ADAM22: variants seen among roughly 807,000 people sequenced by gnomAD.
ADAM22 encodes the protein ADAM metallopeptidase domain 22.
A neutral mutation model predicts 144.6 loss-of-function variants in ADAM22; 65 were observed. That is an observed-to-expected ratio of 0.45 (90% CI 0.37 to 0.55). The LOEUF is 0.55. Ranked by LOEUF, ADAM22 falls within the 20% of genes least tolerant of loss-of-function variation. The pLI is 0.00. For missense variants in ADAM22, 974 were observed against 1,184.9 expected (o/e 0.82, Z 2.61); for synonymous variants, 391 against 412.6 (o/e 0.95, Z 0.63).
chr7:87,954,355 C>A (rs988419599), intron 2 of ADAM22, among the ~76,000 whole-genome samples: 1 of 152,056 alleles, frequency 6.6e-6, no homozygotes, highest in East Asian at 1.9e-4. Flanking sequence ...CAAAATCTCT[C>A]AGCATTTGCT....
intron 2 of ADAM22, among the ~76,000 whole-genome samples, chr7:87,940,427 G>A (rs964526176): frequency 2.0e-5 from 3 of 152,098 alleles, no homozygotes; most frequent in Admixed American, 6.5e-5. Context: ...TACTCTTAAT[G>A]TGTCCTTGTT....
intron 4 of ADAM22, among the ~76,000 whole-genome samples, chr7:88,101,483 G>A (rs1034758278): frequency 1.2e-4 from 19 of 152,134 alleles, no homozygotes; most frequent in African/African-American, 3.4e-4. Flanking sequence ...CATAGATGTA[G>A]CACTGAAATA....
chr7:88,077,263 T>G (rs952045336), intron 4 of ADAM22, among the ~76,000 whole-genome samples: 1 of 152,198 alleles, frequency 6.6e-6, no homozygotes, highest in Non-Finnish European at 1.5e-5. Flanking sequence ...TGAAGATAAT[T>G]GAGTTTTTCC....
intron 4 of ADAM22, among the ~76,000 whole-genome samples, chr7:88,080,617 G>A (rs1312705697): frequency 1.3e-5 from 2 of 151,742 alleles, no homozygotes; most frequent in Non-Finnish European, 2.9e-5. Flanking sequence ...TAATAAAGAA[G>A]AAAAGAGAGA....
intron 3 of ADAM22, among the ~76,000 whole-genome samples, chr7:88,057,839 G>A (rs1001263668): frequency 2.6e-5 from 4 of 152,156 alleles, no homozygotes; most frequent in African/African-American, 7.2e-5. Context: ...CTTACTGCTG[G>A]AGTCTTGAGA....
At chr7:87,944,038 G>A (rs891970024) in intron 2 of ADAM22, among the ~76,000 whole-genome samples, 3 of 152,106 alleles carry the variant, frequency 2.0e-5, no homozygotes, top group African/African-American at 4.8e-5. Flanking sequence ...TCTAGCTGAG[G>A]CAGAACTCCT....
chr7:87,937,339 A>G (rs1841483398), intron 2 of ADAM22, among the ~76,000 whole-genome samples: 1 of 152,020 alleles, frequency 6.6e-6, no homozygotes, highest in Non-Finnish European at 1.5e-5. Context: ...CAATTTTTTC[A>G]GTGAAGACAT....
intron 3 of ADAM22, among the ~76,000 whole-genome samples, chr7:87,991,102 T>A (rs1789729236): frequency 6.6e-6 from 1 of 152,200 alleles, no homozygotes; most frequent in African/African-American, 2.4e-5. Context: ...CCCTTTTGAT[T>A]TCTGTGTTTT....
At chr7:88,195,844 G>A (rs978170312) in intron 31 of ADAM22, among the ~76,000 whole-genome samples, 8 of 152,158 alleles carry the variant, frequency 5.3e-5, no homozygotes. Flanking sequence ...AGGAGGTAGT[G>A]ATAGAAGTGG....
At chr7:88,186,322 G>T in intron 29 of ADAM22, 1 of 365,954 alleles carries the variant, frequency 2.7e-6, no homozygotes, top group South Asian at 3.1e-5. Context: ...TGGGACTGCT[G>T]ACTGTACTGT....
In ADAM22 at chr7:88,135,963, T is replaced by C; in HGVS notation, c.1169-17T>C. 6.2e-7 allele frequency: 1 copy of C among 1,605,336 alleles called. No homozygotes were observed. The highest frequency in any genetic ancestry group is 1.1e-5 in the South Asian group (1 of 88,948). On this transcript the variant is annotated splice_polypyrimidine_tract_variant and intron_variant, in intron 13 of 31. Transcript: ENST00000413139. ...TGTTCACTTTATAACAAGGCATGTGTATTAATTTTCTCTTAGGTGAATGTA... is the reference window on the plus strand; with the variant it reads ...TGTTCACTTTATAACAAGGCATGTGCATTAATTTTCTCTTAGGTGAATGTA...
intron 2 of ADAM22, among the ~76,000 whole-genome samples, chr7:87,956,499 C>T (rs915426337): frequency 6.6e-6 from 1 of 152,118 alleles, no homozygotes; most frequent in Non-Finnish European, 1.5e-5. Flanking sequence ...AAATGGTATA[C>T]GATTGAGTTT....
intron 26 of ADAM22, 35 bp downstream of exon 26, chr7:88,171,596 A>G: frequency 6.4e-7 from 1 of 1,550,810 alleles, no homozygotes; most frequent in African/African-American, 1.4e-5. Context: ...ATAAAACTGA[A>G]AGGTTTGACT....
At chr7:87,964,056 A>T (rs1038068192) in intron 2 of ADAM22, among the ~76,000 whole-genome samples, 1 of 152,204 alleles carries the variant, frequency 6.6e-6, no homozygotes, top group Non-Finnish European at 1.5e-5. Flanking sequence ...ACTTTACATC[A>T]CTAGACACTG....
In ADAM22 at chr7:88,073,361, C is replaced by T. The variant is rs552141097; in HGVS notation, c.324-2265C>T. 3.9e-3 allele frequency among the ~76,000 whole-genome samples: 586 copies of T among 151,990 alleles called. 3 individuals are homozygous for T. The highest frequency in any genetic ancestry group is 5.7e-3 in the Non-Finnish European group (386 of 67,988). ...CATCATATCAGGGTCATGAGAGGAGCCAGTTAAGAGAGCCCCGGCTACCAT... is the reference window on the plus strand; with the variant it reads ...CATCATATCAGGGTCATGAGAGGAGTCAGTTAAGAGAGCCCCGGCTACCAT... On this transcript the variant is annotated intron_variant, in intron 3 of 31. Coordinates refer to ENST00000413139, the MANE Select transcript of ADAM22 (RefSeq NM_001324418.2).
At chr7:88,030,889 G>A (rs935436084) in intron 3 of ADAM22, among the ~76,000 whole-genome samples, 1 of 152,120 alleles carries the variant, frequency 6.6e-6, no homozygotes, top group Non-Finnish European at 1.5e-5. Flanking sequence ...GGCCAAGGTG[G>A]GCGGATCACA....
intron 3 of ADAM22, among the ~76,000 whole-genome samples, chr7:87,982,043 TC>T (rs1853574918): frequency 1.1e-5 from 1 of 92,480 alleles, no homozygotes; most frequent in Non-Finnish European, 2.1e-5. Flanking sequence ...TATGTTTATT[TC>T]ATATATATAT....
intron 3 of ADAM22, among the ~76,000 whole-genome samples, chr7:88,033,828 C>T (rs1800871189): frequency 6.6e-6 from 1 of 152,128 alleles, no homozygotes; most frequent in South Asian, 2.1e-4. Context: ...TCCACCACCC[C>T]ACAGGCCCAC....
intron 20 of ADAM22, 107 bp from the exon 21 acceptor site, chr7:88,153,114 C>A: frequency 1.5e-6 from 1 of 673,556 alleles, no homozygotes. Context: ...GAATTGATAA[C>A]ACTGTAGTGA....
Sources: gnomAD v4.1 joint callset for allele counts (sites outside exome capture counted in the v4.1 genomes callset) on GRCh38, gnomAD v4.1.1 for gene constraint, MANE v1.5 for transcripts, NCBI Gene and HGNC (gene_info 2026-07-23, HGNC 2026-07-21) for gene names.